Variants in OPCML observed in about 807,000 individuals in gnomAD.
The protein encoded by OPCML is opioid-binding protein/cell adhesion molecule.
In OPCML, 13 loss-of-function variants were observed where a neutral mutation model predicts 37.8. The observed-to-expected ratio is 0.34, with a 90% CI of 0.22 to 0.55. OPCML has a LOEUF of 0.55. OPCML is among the 20% of genes least tolerant of loss of function. OPCML has a pLI of 0.91. For missense variants in OPCML, 341 were observed against 435.6 expected (o/e 0.78, Z 1.93); for synonymous variants, 176 against 168.8 (o/e 1.04, Z -0.33).
At position 132,876,807 on chromosome 11, in the gene OPCML, C is replaced by T. The variant is rs145430190; in HGVS notation, c.146+66119G>A. The stretch of plus-strand genomic sequence containing the variant: ...CTAAGGAATCAGAACACAATGCCAT[C>T]AGGGAAGGAGTTGCCGTATACCACC... On this transcript the variant is annotated intron_variant, in intron 2 of 7. Transcript: ENST00000524381. 4.5e-4 allele frequency among the ~76,000 whole-genome samples: 69 copies of T among 152,236 alleles called. 1 individual carries two copies. In the East Asian group the frequency reaches 0.012, roughly 27 times the overall value.
intron 1 of OPCML, among the ~76,000 whole-genome samples, chr11:133,194,804 T>C (rs1938471409): frequency 1.3e-5 from 2 of 152,200 alleles, no homozygotes; most frequent in South Asian, 2.1e-4. Flanking sequence ...CTTCAGAACC[T>C]TGCTCCAGGG....
intron 1 of OPCML, among the ~76,000 whole-genome samples, chr11:133,397,414 T>G (rs993389166): frequency 6.6e-6 from 1 of 152,208 alleles, no homozygotes; most frequent in Admixed American, 6.5e-5. Flanking sequence ...GACGAACAGA[T>G]AGATGTACAG....
intron 2 of OPCML, among the ~76,000 whole-genome samples, chr11:132,678,795 C>T (rs771373667): frequency 7.2e-5 from 11 of 152,092 alleles, no homozygotes; most frequent in South Asian, 2.1e-4. Flanking sequence ...ATAATACTAG[C>T]GTGGTGGCTC....
chr11:132,780,221 A>G (rs1591599386), intron 2 of OPCML, among the ~76,000 whole-genome samples: 1 of 152,196 alleles, frequency 6.6e-6, no homozygotes, highest in East Asian at 1.9e-4. Flanking sequence ...TGCTTCTGGT[A>G]GTTTGCAACA....
chr11:132,524,690 C>T (rs1037279644), intron 4 of OPCML, among the ~76,000 whole-genome samples: 1 of 152,148 alleles, frequency 6.6e-6, no homozygotes, highest in African/African-American at 2.4e-5. Context: ...TCAGAAAATG[C>T]CCAGGTTCTG....
chr11:133,176,125 TA>T (rs1311873613), intron 1 of OPCML, among the ~76,000 whole-genome samples: 1 of 152,166 alleles, frequency 6.6e-6, no homozygotes, highest in African/African-American at 2.4e-5. Context: ...CCAGGCTGGG[TA>T]AACACTGAGT....
At chr11:133,127,169 A>T (rs1949530053) in intron 1 of OPCML, among the ~76,000 whole-genome samples, 1 of 152,120 alleles carries the variant, frequency 6.6e-6, no homozygotes, top group Admixed American at 6.5e-5. Context: ...TGGCTTTGCC[A>T]TGTCCTGCAG....
intron 1 of OPCML, among the ~76,000 whole-genome samples, chr11:133,259,953 A>G (rs1048447832): frequency 1.3e-5 from 2 of 152,242 alleles, no homozygotes; most frequent in Non-Finnish European, 2.9e-5. Flanking sequence ...AAATGAAAAG[A>G]AAGACAGACA....
At chr11:132,614,357 C>T (rs1368627971) in intron 3 of OPCML, among the ~76,000 whole-genome samples, 1 of 152,188 alleles carries the variant, frequency 6.6e-6, no homozygotes, top group Non-Finnish European at 1.5e-5. Context: ...TCAAAGAATT[C>T]TGAGTGACCT....
At chr11:132,856,690 T>C (rs1189366153) in intron 2 of OPCML, among the ~76,000 whole-genome samples, 1 of 152,046 alleles carries the variant, frequency 6.6e-6, no homozygotes, top group African/African-American at 2.4e-5. Context: ...TAGGGAAAAA[T>C]ACCTCCAGTG....
chr11:133,152,572 C>T lies in OPCML; in HGVS notation c.62-209562G>A, dbSNP rs534608532. Among the ~76,000 whole-genome samples, 23 of 151,158 alleles carry T rather than the reference C, an allele frequency of 1.5e-4. No individual in the cohort carries two copies. The East Asian group carries it at 1.7e-3, about 11-fold the overall frequency. On this transcript the variant is annotated intron_variant, in intron 1 of 7. Transcript: ENST00000524381. ...CAAGGTAACCCCTTCCCTCCTGATC[C>T]CCCCCCAACCTCCACAGACTGGTCT...
intron 1 of OPCML, among the ~76,000 whole-genome samples, chr11:133,414,097 AG>A (rs1945709789): frequency 6.6e-6 from 1 of 152,132 alleles, no homozygotes; most frequent in East Asian, 1.9e-4. Flanking sequence ...TCCTTTCAAC[AG>A]TTACTTACCT....
At chr11:133,511,139 G>A (rs942517742) in intron 1 of OPCML, among the ~76,000 whole-genome samples, 2 of 152,100 alleles carry the variant, frequency 1.3e-5, no homozygotes, top group African/African-American at 4.8e-5. Flanking sequence ...CTGCCATCCC[G>A]GTGGCCCTGC....
intron 3 of OPCML, among the ~76,000 whole-genome samples, chr11:132,621,091 T>C (rs564421324): frequency 3.9e-5 from 6 of 152,260 alleles, no homozygotes; most frequent in African/African-American, 1.4e-4. Context: ...GCATTTAATG[T>C]GGTTAGCTTG....
At chr11:133,179,093 C>G (rs1937698462) in intron 1 of OPCML, among the ~76,000 whole-genome samples, 1 of 152,082 alleles carries the variant, frequency 6.6e-6, no homozygotes, top group African/African-American at 2.4e-5. Flanking sequence ...ACCCCTCTGG[C>G]CCTCACCAAA....
chr11:133,207,067 C>A (rs986846250), intron 1 of OPCML, among the ~76,000 whole-genome samples: 5 of 148,928 alleles, frequency 3.4e-5, no homozygotes, highest in Middle Eastern at 7.2e-3. Context: ...GCGGGCGGAT[C>A]TCGAGGTCAG....
At chr11:132,491,206 C>A (rs1418062466) in intron 4 of OPCML, among the ~76,000 whole-genome samples, 3 of 152,216 alleles carry the variant, frequency 2.0e-5, no homozygotes, top group Non-Finnish European at 4.4e-5. Flanking sequence ...TCATCACGGG[C>A]CCTGGAGATT....
chr11:133,215,303 G>A (rs531510240), intron 1 of OPCML, among the ~76,000 whole-genome samples: 26 of 152,202 alleles, frequency 1.7e-4, no homozygotes, highest in African/African-American at 5.1e-4. Flanking sequence ...CACTAATCAC[G>A]GGGTTTGAAT....
chr11:133,248,312 A>AG (rs1941018520), intron 1 of OPCML, among the ~76,000 whole-genome samples: 1 of 152,208 alleles, frequency 6.6e-6, no homozygotes, highest in African/African-American at 2.4e-5. Flanking sequence ...CCTGTGGGTT[A>AG]GGGCGTACCT....
Sources: gnomAD v4.1 joint callset for allele counts (sites outside exome capture counted in the v4.1 genomes callset) on GRCh38, gnomAD v4.1.1 for gene constraint, MANE v1.5 for transcripts, NCBI Gene and HGNC (gene_info 2026-07-23, HGNC 2026-07-21) for gene names.